Variants in ARHGAP32 observed in about 807,000 individuals in gnomAD.
ARHGAP32 encodes rho GTPase-activating protein 32.
In ARHGAP32, 51 loss-of-function variants were observed where a neutral mutation model predicts 186.5. That is an observed-to-expected ratio of 0.27 (90% CI 0.22 to 0.35). The LOEUF is 0.35. ARHGAP32 is among the 10% of genes least tolerant of loss of function. The pLI, the probability that ARHGAP32 is intolerant of heterozygous loss-of-function variation, is 1.00. For synonymous variants in ARHGAP32, 950 were observed against 964.3 expected (o/e 0.99, Z 0.27); for missense variants, 2,186 against 2,623.5 (o/e 0.83, Z 3.64).
At chr11:129,090,174 T>A (rs1397319786) in intron 6 of ARHGAP32, among the ~76,000 whole-genome samples, 1 of 152,220 alleles carries the variant, frequency 6.6e-6, no homozygotes, top group African/African-American at 2.4e-5. Flanking sequence ...ATATGTTCTA[T>A]AAATGTTAAT....
intron 8 of ARHGAP32, 77 bp downstream of exon 8, chr11:129,064,764 A>G: frequency 1.7e-6 from 2 of 1,174,328 alleles, no homozygotes; most frequent in South Asian, 2.8e-5. Flanking sequence ...AATAGACATC[A>G]AAATTATGTT....
At chr11:129,255,642 T>C (rs1945245136) in intron 1 of ARHGAP32, among the ~76,000 whole-genome samples, 1 of 151,818 alleles carries the variant, frequency 6.6e-6, no homozygotes, top group South Asian at 2.1e-4. Context: ...AAAAAACTAG[T>C]AGTCAGAATA....
chr11:128,998,237 A>G, intron 12 of ARHGAP32, 82 bp downstream of exon 12: 1 of 1,197,808 alleles, frequency 8.3e-7, no homozygotes, highest in Admixed American at 2.7e-5. Context: ...CATTTGACTA[A>G]ATCTACTCCA....
At chr11:129,063,035 A>G (rs1940563400) in intron 9 of ARHGAP32, among the ~76,000 whole-genome samples, 1 of 152,116 alleles carries the variant, frequency 6.6e-6, no homozygotes, top group Admixed American at 6.5e-5. Context: ...AATATATTCA[A>G]TGGAAGTTAT....
rs1942591027 is a variant in ARHGAP32, at chr11:129,123,755, C to T, written c.359+133G>A. 9.1e-6 allele frequency: 7 copies of T among 769,156 alleles called. No homozygotes were observed. Among genetic ancestry groups the T allele is most frequent in the East Asian group, 3.3e-5 (1 of 30,684 alleles). 47.6% of individuals were successfully genotyped at this position (769,156 alleles called of 1,614,324 possible). A position where few individuals can be genotyped will look rare whatever the true frequency, so the allele number is the denominator to read the frequency against. On this transcript the variant is annotated intron_variant, in intron 4 of 22. Transcript: ENST00000682385. The surrounding 1 kb of genome is among the most constrained non-coding windows in gnomAD (Gnocchi z 4.6). ...AAACCCAAAATAAAAAAAGCATCAC[C>T]GTTATCTCCTAATTTTGACCCGAAT...
intron 2 of ARHGAP32, among the ~76,000 whole-genome samples, chr11:129,135,060 T>C (rs868642675): frequency 3.3e-5 from 5 of 152,156 alleles, no homozygotes; most frequent in Non-Finnish European, 7.4e-5. Context: ...ACAATCTAAA[T>C]AGATATATTA....
intron 2 of ARHGAP32, among the ~76,000 whole-genome samples, chr11:129,158,786 T>A (rs954015578): frequency 6.6e-6 from 1 of 152,156 alleles, no homozygotes; most frequent in Non-Finnish European, 1.5e-5. Context: ...ATCGCATGTA[T>A]TCTAAAACTG....
intron 1 of ARHGAP32, among the ~76,000 whole-genome samples, chr11:129,256,076 G>C (rs570431455): frequency 6.6e-6 from 1 of 152,046 alleles, no homozygotes; most frequent in Non-Finnish European, 1.5e-5. Flanking sequence ...AAAGACACCA[G>C]AGACAAAAGA....
chr11:129,262,010 T>C (rs551208989), intron 1 of ARHGAP32, among the ~76,000 whole-genome samples: 1 of 152,310 alleles, frequency 6.6e-6, no homozygotes, highest in South Asian at 2.1e-4. Context: ...GAGTTTTATA[T>C]ACACAGGGAA....
At chr11:128,985,098 C>A (rs537152016) in intron 15 of ARHGAP32, among the ~76,000 whole-genome samples, 1 of 152,272 alleles carries the variant, frequency 6.6e-6, no homozygotes, top group South Asian at 2.1e-4. Context: ...CGGCTCACTG[C>A]AACCTCCACC....
chr11:129,172,583 CAACA>C (rs1486459960), intron 1 of ARHGAP32, among the ~76,000 whole-genome samples: 6 of 152,088 alleles, frequency 3.9e-5, no homozygotes, highest in Admixed American at 3.3e-4. Flanking sequence ...ACTAACTTCA[CAACA>C]AACAATCTCT....
At chr11:129,088,743 T>G (rs1941483449) in intron 6 of ARHGAP32, among the ~76,000 whole-genome samples, 1 of 151,966 alleles carries the variant, frequency 6.6e-6, no homozygotes, top group Admixed American at 6.6e-5. Context: ...ATTTTTCATC[T>G]TAGTAATTAT....
chr11:129,029,187 T>C (rs1938989348), intron 11 of ARHGAP32, among the ~76,000 whole-genome samples: 1 of 152,214 alleles, frequency 6.6e-6, no homozygotes, highest in Non-Finnish European at 1.5e-5. Flanking sequence ...GTTCTGTTTA[T>C]ATAGGCCTTA....
chr11:129,007,088 C>T (rs982632304), intron 11 of ARHGAP32, among the ~76,000 whole-genome samples: 1 of 151,972 alleles, frequency 6.6e-6, no homozygotes, highest in African/African-American at 2.4e-5. Context: ...CAGCTTGTGG[C>T]GAATGCTGCC....
At chr11:129,270,769 G>C (rs940142772) in intron 1 of ARHGAP32, among the ~76,000 whole-genome samples, 1 of 151,846 alleles carries the variant, frequency 6.6e-6, no homozygotes. Context: ...GTGGCTCAGT[G>C]AACAAAGAAG....
At chr11:128,981,984 G>T in intron 15 of ARHGAP32, 48 bp from the exon 16 acceptor site, 1 of 1,196,138 alleles carries the variant, frequency 8.4e-7, no homozygotes, top group Non-Finnish European at 1.2e-6. Context: ...TGATGCAGCA[G>T]TATAGAACAT....
chr11:129,068,187 T>C (rs1393500188), intron 6 of ARHGAP32, among the ~76,000 whole-genome samples: 1 of 152,046 alleles, frequency 6.6e-6, no homozygotes, highest in Non-Finnish European at 1.5e-5. Flanking sequence ...ATTTCACAGC[T>C]TTTATCATCT....
intron 11 of ARHGAP32, among the ~76,000 whole-genome samples, chr11:129,020,370 A>G (rs1938542573): frequency 6.6e-6 from 1 of 152,116 alleles, no homozygotes; most frequent in Non-Finnish European, 1.5e-5. Flanking sequence ...TAATTTACAT[A>G]ACATGCTTAT....
In ARHGAP32 at chr11:128,980,598, G is replaced by A. The variant is rs1236242321; in HGVS notation, c.1931C>T (p.Ala644Val). The A allele has an allele frequency of 1.9e-6, 3 of 1,613,382 alleles. No homozygotes were observed. The highest frequency in any genetic ancestry group is 2.5e-6 in the Non-Finnish European group (3 of 1,179,764). ...TATGGTATGAAATTTCCCCTGAAGTGCAGCAGGTCCTTCTCCTACTTCGAT... is the reference window on the plus strand; with the variant it reads ...TATGGTATGAAATTTCCCCTGAAGTACAGCAGGTCCTTCTCCTACTTCGAT... ...KYIEVGEGPA[A>V]LQGKFHTIIE... Residue 644 changes from alanine (A) to valine (V), a missense_variant, in exon 18 of 23, where the codon GCA becomes GTA. Coordinates refer to ENST00000682385, the MANE Select transcript of ARHGAP32 (RefSeq NM_001378024.1).
Sources: gnomAD v4.1 joint callset for allele counts (sites outside exome capture counted in the v4.1 genomes callset) on GRCh38, gnomAD v4.1.1 for gene constraint, Gnocchi (gnomAD v3.1) non-coding constraint, MANE v1.5 for transcripts, NCBI Gene and HGNC (gene_info 2026-07-23, HGNC 2026-07-21) for gene names.